The following DLC1 variants were observed in gnomAD, a reference collection of about 807,000 sequenced individuals.
The protein encoded by DLC1 is rho GTPase-activating protein 7.
DLC1 carries 54 observed loss-of-function variants against 140.3 expected under a neutral mutation model. The ratio of observed to expected loss-of-function variants is 0.38; its 90% CI spans 0.31 to 0.48. DLC1 has a LOEUF of 0.48. Among genes scored for constraint, DLC1 ranks in the 20% least tolerant of loss-of-function variants. The probability of loss-of-function intolerance (pLI) is 0.96; values close to 1 mark genes in which losing one functional copy is unlikely to be tolerated. For missense variants in DLC1, 2,536 were observed against 1,907.0 expected, an observed-to-expected ratio of 1.33 and a Z score of -6.14; for synonymous variants, 986 against 728.1, an observed-to-expected ratio of 1.35 and a Z score of -5.70.
chr8:13,326,979 G>A (rs534181781), intron 4 of DLC1, among the ~76,000 whole-genome samples: 1 of 152,246 alleles, frequency 6.6e-6, no homozygotes, highest in South Asian at 2.1e-4. Context: ...TTTTGAGACA[G>A]AATCTCGCTC....
intron 2 of DLC1, among the ~76,000 whole-genome samples, chr8:13,474,127 T>C (rs1026570228): frequency 2.6e-5 from 4 of 152,096 alleles, no homozygotes; most frequent in African/African-American, 9.7e-5. Flanking sequence ...AGAAATGGTT[T>C]TGTGGGCCAG....
chr8:13,208,854 T>G (rs1177568613), intron 5 of DLC1, among the ~76,000 whole-genome samples: 1 of 151,310 alleles, frequency 6.6e-6, no homozygotes, highest in African/African-American at 2.4e-5. Context: ...GTGGGAAAAA[T>G]AAAAAATGTT....
intron 1 of DLC1, among the ~76,000 whole-genome samples, chr8:13,594,687 C>A (rs1037270506): frequency 2.6e-5 from 4 of 151,994 alleles, no homozygotes; most frequent in Non-Finnish European, 4.4e-5. Flanking sequence ...AAAGTGAAAG[C>A]ACATTTATTA....
At chr8:13,153,177 C>G (rs545084835) in intron 5 of DLC1, among the ~76,000 whole-genome samples, 1 of 152,300 alleles carries the variant, frequency 6.6e-6, no homozygotes, top group African/African-American at 2.4e-5. Context: ...GAGTTTGTTC[C>G]TTCTGGTGTT....
chr8:13,187,070 T>C (rs1826414997), intron 5 of DLC1, among the ~76,000 whole-genome samples: 1 of 152,186 alleles, frequency 6.6e-6, no homozygotes, highest in Non-Finnish European at 1.5e-5. Context: ...CAGCCACCTA[T>C]GTGAGGTGTC....
chr8:13,164,232 G>T (rs1427277698), intron 5 of DLC1, among the ~76,000 whole-genome samples: 1 of 152,050 alleles, frequency 6.6e-6, no homozygotes, highest in Non-Finnish European at 1.5e-5. Flanking sequence ...GGGAGGCGGA[G>T]GTTGCAGTGA....
Position 13,186,431 on chromosome 8 carries a change from T to C in DLC1, c.1349-70774A>G, listed in dbSNP as rs561570964. 1.7e-4 allele frequency among the ~76,000 whole-genome samples: 26 copies of C among 152,316 alleles called. 1 individual carries two copies. In the South Asian group the frequency reaches 5.4e-3, roughly 32 times the overall value. ...AATCACTGATACCCTTTCTTCCACT[T>C]GATCGAATCCACTATTGAAGCTTGT... On this transcript the variant is annotated intron_variant, in intron 5 of 17. Transcript: ENST00000276297.
intron 4 of DLC1, among the ~76,000 whole-genome samples, chr8:13,307,084 A>G (rs1832470097): frequency 8.8e-6 from 1 of 114,024 alleles, no homozygotes; most frequent in Non-Finnish European, 2.0e-5. Context: ...ACTCTGTCAA[A>G]AAAAAAAAAA....
intron 2 of DLC1, among the ~76,000 whole-genome samples, chr8:13,470,025 C>A (rs1296411817): frequency 6.6e-6 from 1 of 152,108 alleles, no homozygotes; most frequent in East Asian, 1.9e-4. Context: ...ATATAAAGTA[C>A]CATCTAACAA....
intron 1 of DLC1, among the ~76,000 whole-genome samples, chr8:13,572,727 G>T (rs1056136700): frequency 6.6e-6 from 1 of 152,094 alleles, no homozygotes; most frequent in Non-Finnish European, 1.5e-5. Flanking sequence ...TATGATTGTT[G>T]AAGATTCTGT....
chr8:13,205,079 T>C (rs889159091), intron 5 of DLC1, among the ~76,000 whole-genome samples: 9 of 152,086 alleles, frequency 5.9e-5, no homozygotes, highest in Non-Finnish European at 1.2e-4. Flanking sequence ...GATGGCATTA[T>C]TGGGTGGTCA....
At chr8:13,584,098 A>C (rs1805218491) in intron 1 of DLC1, 1 of 152,942 alleles carries the variant, frequency 6.5e-6, no homozygotes, top group Admixed American at 6.5e-5. Flanking sequence ...TTGCTTCAGC[A>C]GGTTCTTTGC....
chr8:13,475,204 T>C (rs1420372696), intron 2 of DLC1, among the ~76,000 whole-genome samples: 1 of 152,236 alleles, frequency 6.6e-6, no homozygotes, highest in African/African-American at 2.4e-5. Flanking sequence ...TGCTGTTTTT[T>C]CTGTCATGCC....
intron 5 of DLC1, among the ~76,000 whole-genome samples, chr8:13,164,516 C>T (rs7816773): frequency 3.2e-4 from 48 of 152,244 alleles, no homozygotes; most frequent in African/African-American, 1.1e-3. Context: ...TTTCTCTCAT[C>T]TTCCTGATGT....
At chr8:13,408,124 T>C (rs1469650648) in intron 2 of DLC1, among the ~76,000 whole-genome samples, 3 of 152,196 alleles carry the variant, frequency 2.0e-5, no homozygotes, top group South Asian at 2.1e-4. Context: ...GTGTTTCAAT[T>C]TGAAACTTAT....
At chr8:13,355,894 C>T (rs1834919575) in intron 4 of DLC1, among the ~76,000 whole-genome samples, 2 of 151,342 alleles carry the variant, frequency 1.3e-5, no homozygotes. Flanking sequence ...ACCATCTTGG[C>T]TAACATGGTG....
chr8:13,553,761 C>T (rs976458885), intron 1 of DLC1, among the ~76,000 whole-genome samples: 1 of 152,112 alleles, frequency 6.6e-6, no homozygotes, highest in Non-Finnish European at 1.5e-5. Context: ...GCCCATCAGT[C>T]TTTGATCCCT....
intron 4 of DLC1, among the ~76,000 whole-genome samples, chr8:13,355,964 C>T (rs575153360): frequency 2.6e-5 from 4 of 151,040 alleles, no homozygotes; most frequent in Non-Finnish European, 4.4e-5. Flanking sequence ...GTGGCGGGCA[C>T]CTGTAGTCCC....
At chr8:13,534,919 C>A (rs1803221619) in intron 1 of DLC1, among the ~76,000 whole-genome samples, 1 of 152,038 alleles carries the variant, frequency 6.6e-6, no homozygotes, top group African/African-American at 2.4e-5. Context: ...CAACACTGGC[C>A]CACACTCCTC....
Sources: gnomAD v4.1 joint callset for allele counts (sites outside exome capture counted in the v4.1 genomes callset) on GRCh38, gnomAD v4.1.1 for gene constraint, MANE v1.5 for transcripts, NCBI Gene and HGNC (gene_info 2026-07-23, HGNC 2026-07-21) for gene names.